The following PLA2G4E variants were observed in gnomAD, a reference collection of about 807,000 sequenced individuals.
PLA2G4E encodes phospholipase A2 group IVE.
Under a neutral mutation model 109.1 loss-of-function variants are expected in PLA2G4E, and 84 were observed. That is an observed-to-expected ratio of 0.77 (90% CI 0.65 to 0.92). PLA2G4E has a LOEUF of 0.92. Among genes scored for constraint, PLA2G4E ranks in the 40% least tolerant of loss-of-function variants. PLA2G4E has a pLI of 0.00. For synonymous variants in PLA2G4E, 469 were observed against 436.1 expected (o/e 1.08, Z -0.94); for missense variants, 1,057 against 1,076.6 (o/e 0.98, Z 0.25).
chr15:41,983,780 G>T (rs376114853), exon 20 of PLA2G4E: 2 of 1,599,848 alleles, frequency 1.3e-6, no homozygotes, highest in Middle Eastern at 1.8e-4. Context: ...CCCTTCAGGC[G>T]CTTCTTCTTC....
chr15:41,995,259 C>T, intron 12 of PLA2G4E, 101 bp downstream of exon 12: 2 of 1,456,092 alleles, frequency 1.4e-6, no homozygotes, highest in Non-Finnish European at 1.9e-6. Flanking sequence ...TCAGGAGTCA[C>T]TTTGTCTTTG....
intron 16 of PLA2G4E, among the ~76,000 whole-genome samples, 155 bp from the exon 17 acceptor site, chr15:41,987,530 G>A (rs949465201): frequency 6.6e-6 from 1 of 152,138 alleles, no homozygotes; most frequent in Non-Finnish European, 1.5e-5. Context: ...TGGCACTGGG[G>A]TTAGGAGGAT....
intron 2 of PLA2G4E, chr15:42,010,139 C>CCCCCCCCCCCCG: frequency 2.1e-6 from 1 of 476,070 alleles, no homozygotes; most frequent in South Asian, 1.8e-5. Flanking sequence ...CTGGCCCCCC[C>CCCCCCCCCCCCG]ACCCCGGGCC....
chr15:42,010,228 G>C lies in PLA2G4E; in HGVS notation c.257-2363C>G, dbSNP rs79444995. 17 of 499,806 alleles carry C rather than the reference G, an allele frequency of 3.4e-5. No individual in the cohort carries two copies. In the East Asian group the frequency reaches 9.4e-4, roughly 28 times the overall value. The allele number at this position is 499,806 out of a possible 1,614,324, so 31.0% of individuals were successfully genotyped here. ...TGCCAGCTCTATACCTACTGGTTCTGTAATGCACTTGGCGCGCATGATTTG... is the reference window on the plus strand; with the variant it reads ...TGCCAGCTCTATACCTACTGGTTCTCTAATGCACTTGGCGCGCATGATTTG... On this transcript the variant is annotated intron_variant, in intron 2 of 19. Coordinates refer to ENST00000399518, the Ensembl canonical transcript of PLA2G4E.
intron 1 of PLA2G4E, among the ~76,000 whole-genome samples, chr15:42,027,685 C>T (rs1053927411): frequency 6.6e-6 from 1 of 152,208 alleles, no homozygotes; most frequent in African/African-American, 2.4e-5. Flanking sequence ...TGTGGTCGGG[C>T]TGCTCACGTT....
chr15:42,041,499 G>T (rs1049564652), intron 1 of PLA2G4E, among the ~76,000 whole-genome samples: 1 of 152,056 alleles, frequency 6.6e-6, no homozygotes, highest in African/African-American at 2.4e-5. Flanking sequence ...TGGGGTTGGG[G>T]AAAGAGGTTG....
intron 1 of PLA2G4E, among the ~76,000 whole-genome samples, chr15:42,029,591 A>G (rs1889079007): frequency 6.6e-6 from 1 of 152,226 alleles, no homozygotes; most frequent in African/African-American, 2.4e-5. Flanking sequence ...TAAGGATGAC[A>G]TCGTCATTGT....
At chr15:42,014,651 C>T in intron 1 of PLA2G4E, among the ~76,000 whole-genome samples, 1 of 152,172 alleles carries the variant, frequency 6.6e-6, no homozygotes, top group Admixed American at 6.5e-5. Context: ...TAGCTCCAGC[C>T]CAGGCCTTTG....
At chr15:42,034,629 C>T (rs1487458620) in intron 1 of PLA2G4E, among the ~76,000 whole-genome samples, 2 of 152,214 alleles carry the variant, frequency 1.3e-5, no homozygotes, top group Non-Finnish European at 2.9e-5. Context: ...ATTAAATCTC[C>T]TCCTCTGCCC....
intron 12 of PLA2G4E, among the ~76,000 whole-genome samples, chr15:41,994,632 G>A (rs2068308273): frequency 6.6e-6 from 1 of 152,108 alleles, no homozygotes; most frequent in Admixed American, 6.5e-5. Flanking sequence ...CCAAAGTGCT[G>A]GGATTACAGA....
At chr15:41,990,179 G>C in exon 14 of PLA2G4E, 1 of 1,613,784 alleles carries the variant, frequency 6.2e-7, no homozygotes, top group Non-Finnish European at 8.5e-7. Context: ...AGATGGGCAG[G>C]GGGTTCTGGC....
chr15:42,047,113 T>C (rs1889429606), intron 1 of PLA2G4E, among the ~76,000 whole-genome samples: 1 of 152,210 alleles, frequency 6.6e-6, no homozygotes. Context: ...GACTGGGTAA[T>C]TTATAAAGAA....
chr15:42,036,240 G>A (rs772395530), intron 1 of PLA2G4E, among the ~76,000 whole-genome samples: 4 of 152,222 alleles, frequency 2.6e-5, no homozygotes, highest in Non-Finnish European at 5.9e-5. Flanking sequence ...CGCCCTGGGG[G>A]CCGCGGCGAT....
exon 20 of PLA2G4E, chr15:41,983,970 T>C (rs764628697): frequency 6.2e-7 from 1 of 1,605,626 alleles, no homozygotes; most frequent in Non-Finnish European, 8.5e-7. Context: ...GGCTTCGCTC[T>C]ACACCTGTGG....
At chr15:42,036,602 A>AG (rs1566850796) in intron 1 of PLA2G4E, among the ~76,000 whole-genome samples, 1 of 152,114 alleles carries the variant, frequency 6.6e-6, no homozygotes, top group Non-Finnish European at 1.5e-5. Context: ...AGGCTGGGCC[A>AG]GGGCCTGCCA....
intron 2 of PLA2G4E, among the ~76,000 whole-genome samples, chr15:42,010,682 T>C (rs771569048): frequency 6.6e-6 from 1 of 152,212 alleles, no homozygotes; most frequent in African/African-American, 2.4e-5. Flanking sequence ...TTCAGAACTT[T>C]GTCTCTCTAA....
rs1187146207 is a variant in PLA2G4E at position 41,990,106 on chromosome 15, A to G, written c.1585+15T>C. 1 of 1,603,564 alleles carries G rather than the reference A, an allele frequency of 6.2e-7. No homozygotes were observed. The highest frequency in any genetic ancestry group is 1.7e-5 in the Admixed American group (1 of 59,624). On this transcript the variant is annotated intron_variant, in intron 14 of 19. Transcript: ENST00000399518. ...CCCTCCACCCCACTTGTAAATCACC[A>G]GCCACTGGTGTTACCTCTGAAGTCC...
chr15:41,992,869 G>A, exon 13 of PLA2G4E: 1 of 1,614,042 alleles, frequency 6.2e-7, no homozygotes. Flanking sequence ...AGGGTAGCTT[G>A]TCCTTTACCA....
At chr15:42,010,620 C>T (rs769868751) in intron 2 of PLA2G4E, among the ~76,000 whole-genome samples, 4 of 152,190 alleles carry the variant, frequency 2.6e-5, no homozygotes, top group African/African-American at 4.8e-5. Context: ...AATGACATGT[C>T]TCCTTTCCTG....
Sources: gnomAD v4.1 joint callset for allele counts (sites outside exome capture counted in the v4.1 genomes callset) on GRCh38, gnomAD v4.1.1 for gene constraint, MANE v1.5 for transcripts, NCBI Gene and HGNC (gene_info 2026-07-23, HGNC 2026-07-21) for gene names.